FAM135B: variants seen among roughly 807,000 people sequenced by gnomAD.
The protein encoded by FAM135B is family with sequence similarity 135 member B.
FAM135B carries 43 observed loss-of-function variants against 127.7 expected under a neutral mutation model. The ratio of observed to expected loss-of-function variants is 0.34; its 90% CI spans 0.26 to 0.43. The LOEUF is 0.43. Among genes scored for constraint, FAM135B ranks in the 20% least tolerant of loss-of-function variants. FAM135B has a pLI of 1.00. For synonymous variants in FAM135B, 670 were observed against 665.1 expected (o/e 1.01, Z -0.11); for missense variants, 1,558 against 1,725.6 (o/e 0.90, Z 1.72).
chr8:138,422,987 C>T (rs1834608195), intron 1 of FAM135B, among the ~76,000 whole-genome samples: 1 of 152,134 alleles, frequency 6.6e-6, no homozygotes, highest in Non-Finnish European at 1.5e-5. Flanking sequence ...CAGCTGGAGG[C>T]CATTATCCTA....
chr8:138,479,914 A>G (rs994285377), intron 1 of FAM135B, among the ~76,000 whole-genome samples: 8 of 152,168 alleles, frequency 5.3e-5, no homozygotes, highest in African/African-American at 1.9e-4. Context: ...TTTCCCACAA[A>G]ACTACCTCCT....
intron 5 of FAM135B, among the ~76,000 whole-genome samples, chr8:138,251,356 C>G (rs1411015591): frequency 1.3e-5 from 2 of 152,256 alleles, no homozygotes; most frequent in African/African-American, 2.4e-5. Context: ...TTTTCCACTT[C>G]TTTATCTCCC....
At chr8:138,316,869 A>T (rs1827137500) in intron 2 of FAM135B, among the ~76,000 whole-genome samples, 1 of 151,468 alleles carries the variant, frequency 6.6e-6, no homozygotes, top group African/African-American at 2.4e-5. Context: ...AGTCCCAGCT[A>T]CTCAGGAGGC....
chr8:138,259,822 G>A (rs1157060399), intron 4 of FAM135B, among the ~76,000 whole-genome samples: 2 of 152,136 alleles, frequency 1.3e-5, no homozygotes, highest in African/African-American at 2.4e-5. Context: ...AATCAGCACA[G>A]TGCCTGCCAT....
chr8:138,144,941 GCTGCTCACTCACTTCC>G (rs1180500392), intron 15 of FAM135B, among the ~76,000 whole-genome samples: 1 of 152,194 alleles, frequency 6.6e-6, no homozygotes, highest in African/African-American at 2.4e-5. Context: ...GTGAGCAAGT[GCTGCTCACTCACTTCC>G]CTGCTCCCTC....
chr8:138,134,358 A>G (rs189382173), intron 19 of FAM135B, among the ~76,000 whole-genome samples: 29 of 152,356 alleles, frequency 1.9e-4, no homozygotes, highest in African/African-American at 7.0e-4. Flanking sequence ...TTTAAATTGT[A>G]TATGCAATAA....
intron 1 of FAM135B, among the ~76,000 whole-genome samples, chr8:138,413,816 C>T (rs768288533): frequency 2.1e-4 from 32 of 152,122 alleles, no homozygotes; most frequent in Non-Finnish European, 3.5e-4. Context: ...GGCAGACAAT[C>T]TGGCCCTCCT....
At chr8:138,391,248 C>G (rs1423525946) in intron 1 of FAM135B, among the ~76,000 whole-genome samples, 1 of 152,056 alleles carries the variant, frequency 6.6e-6, no homozygotes, top group Non-Finnish European at 1.5e-5. Context: ...GCTGCTTGCT[C>G]ACTTACACTG....
At position 138,137,246 on chromosome 8, in the gene FAM135B, T is replaced by G. The variant is rs1008861857; in HGVS notation, c.3916A>C (p.Lys1306Gln). 6.3e-7 allele frequency: 1 copy of G among 1,594,886 alleles called. No individual in the cohort carries two copies. The highest frequency in any genetic ancestry group is 8.6e-7 in the Non-Finnish European group (1 of 1,162,334). ...LSQKTGLQYFKNVVLVASPQD... is the reference protein window; with the variant it reads ...LSQKTGLQYFQNVVLVASPQD... ...GGAGAAGCAACCAGCACGACGTTTT[T>G]AAAATACTGCAGCCCTGTAAAAATT... The change falls in exon 19 of 20, where the codon AAA (lysine) becomes CAA (glutamine). Residue 1306 changes from lysine (K) to glutamine (Q), a missense_variant. This residue lies in a region of FAM135B where 194 missense variants were observed against 333.8 expected (regional missense o/e 0.58). Coordinates refer to ENST00000395297, the MANE Select transcript of FAM135B (RefSeq NM_015912.4).
At chr8:138,375,285 T>C (rs577253877) in intron 1 of FAM135B, among the ~76,000 whole-genome samples, 83 of 152,300 alleles carry the variant, frequency 5.4e-4, no homozygotes, top group Middle Eastern at 3.4e-3. Context: ...CCTTTTCTTT[T>C]AGAGCTACAA....
rs772066495 is a variant in FAM135B at position 138,153,226 on chromosome 8, A to G, written c.1259-10T>C. 8 of 1,515,320 alleles carry G rather than the reference A, an allele frequency of 5.3e-6. No homozygotes were observed. In the East Asian group the frequency reaches 6.8e-5, roughly 13 times the overall value. 93.9% of individuals were successfully genotyped at this position (1,515,320 alleles called of 1,614,324 possible). A position where few individuals can be genotyped will look rare whatever the true frequency, so the allele number is the denominator to read the frequency against. On this transcript the variant is annotated splice_polypyrimidine_tract_variant and intron_variant, in intron 12 of 19. Coordinates refer to ENST00000395297, the MANE Select transcript of FAM135B (RefSeq NM_015912.4). ...ACACTCAAGTTATGCCCTACAAAAA[A>G]AAAAGAAAGAAAATTATATTATAGT...
At chr8:138,432,164 G>A (rs1243865714) in intron 1 of FAM135B, among the ~76,000 whole-genome samples, 1 of 152,162 alleles carries the variant, frequency 6.6e-6, no homozygotes, top group African/African-American at 2.4e-5. Flanking sequence ...GAGACTACTG[G>A]ACCCCAACAG....
chr8:138,264,478 G>T (rs1424724320), intron 4 of FAM135B, among the ~76,000 whole-genome samples: 1 of 152,202 alleles, frequency 6.6e-6, no homozygotes, highest in African/African-American at 2.4e-5. Flanking sequence ...TCTCCCTCAT[G>T]AGTGTGTCTC....
rs1211825641 is a variant in FAM135B, at chr8:138,151,784, A to G, written c.2691T>C (p.His897=). ...ALENPRTRSL[H]RALEETPKGM... is the part of the protein sequence containing the mutation. ...CCTTTGGGGTTTCCTCAAGTGCTCT[A>G]TGAAGAGATCTGGTCCTGGGGTTTT... is the stretch of plus-strand genomic sequence containing the variant. Residue 897 remains histidine, a synonymous_variant, in exon 13 of 20, where the codon CAT becomes CAC. Transcript: ENST00000395297. The G allele has an allele frequency of 6.2e-6, 10 of 1,613,998 alleles. No homozygotes were observed. Among genetic ancestry groups the G allele is most frequent in the Admixed American group, 3.3e-5 (2 of 60,002 alleles).
intron 1 of FAM135B, among the ~76,000 whole-genome samples, chr8:138,445,687 G>A (rs796421804): frequency 3.8e-4 from 58 of 152,048 alleles, no homozygotes; most frequent in African/African-American, 5.1e-4. Context: ...ACAAACCCAC[G>A]GCCAATATCA....
Position 138,466,729 on chromosome 8 carries a change from T to G in FAM135B, c.-20+29942A>C, listed in dbSNP as rs530874137. On this transcript the variant is annotated intron_variant, in intron 1 of 19. Coordinates refer to ENST00000395297, the MANE Select transcript of FAM135B (RefSeq NM_015912.4). ...CCCACTCTATTTTTAACGCTCTTTG[T>G]TAACTGTATGGAGGGCTGGGATGTT... Among the ~76,000 whole-genome samples the G allele has an allele frequency of 3.9e-3, 596 of 152,330 alleles. 4 individuals are homozygous for G. The Middle Eastern group carries it at 0.048, about 12-fold the overall frequency.
chr8:138,362,959 G>A (rs1310916896), intron 2 of FAM135B, among the ~76,000 whole-genome samples: 1 of 152,128 alleles, frequency 6.6e-6, no homozygotes, highest in Non-Finnish European at 1.5e-5. Flanking sequence ...TTAGGAATAT[G>A]GAAAAGCTAC....
intron 3 of FAM135B, among the ~76,000 whole-genome samples, chr8:138,286,803 A>G (rs1824723053): frequency 6.6e-6 from 1 of 152,190 alleles, no homozygotes; most frequent in South Asian, 2.1e-4. Flanking sequence ...TCGGGAGGAG[A>G]GTCACTCATG....
intron 19 of FAM135B, among the ~76,000 whole-genome samples, chr8:138,135,915 A>G (rs1161582812): frequency 1.3e-5 from 2 of 152,172 alleles, no homozygotes; most frequent in Non-Finnish European, 2.9e-5. Flanking sequence ...ACACAAAATT[A>G]TAACATTTAT....
Sources: gnomAD v4.1 joint callset for allele counts (sites outside exome capture counted in the v4.1 genomes callset) on GRCh38, gnomAD v4.1.1 for gene constraint, gnomAD v4.1.1 regional missense constraint, MANE v1.5 for transcripts, NCBI Gene and HGNC (gene_info 2026-07-23, HGNC 2026-07-21) for gene names.